The following ATP2B4 variants were observed in gnomAD, a reference collection of about 807,000 sequenced individuals.
ATP2B4 encodes the protein plasma membrane calcium-transporting ATPase 4.
In ATP2B4, 39 loss-of-function variants were observed where a neutral mutation model predicts 110.3. That is an observed-to-expected ratio of 0.35 (90% CI 0.27 to 0.46). ATP2B4 has a LOEUF of 0.46. Ranked by LOEUF, ATP2B4 falls within the 20% of genes least tolerant of loss-of-function variation. The pLI, the probability that ATP2B4 is intolerant of heterozygous loss-of-function variation, is 1.00. For missense variants in ATP2B4, 1,135 were observed against 1,530.9 expected (o/e 0.74, Z 4.32); for synonymous variants, 538 against 571.7 (o/e 0.94, Z 0.84).
chr1:203,669,438 C>T (rs747886996), intron 1 of ATP2B4, among the ~76,000 whole-genome samples: 2 of 151,872 alleles, frequency 1.3e-5, no homozygotes, highest in Non-Finnish European at 2.9e-5. Context: ...GTTGTTTGTT[C>T]GTTTGTCTGT....
At position 203,700,344 on chromosome 1, in the gene ATP2B4, G is replaced by A; in HGVS notation, c.775+13G>A. The A allele has an allele frequency of 1.2e-6, 2 of 1,605,668 alleles. No individual in the cohort carries two copies. Among genetic ancestry groups the A allele is most frequent in the Non-Finnish European group, 1.7e-6 (2 of 1,176,060 alleles). ...ATGTTGCTCTCAGGTATAGGCCCTG[G>A]CTGCCCAAGTTCCCATTTACCTCCC... On this transcript the variant is annotated intron_variant, in intron 5 of 20. Coordinates refer to ENST00000357681, the MANE Select transcript of ATP2B4 (RefSeq NM_001684.5).
rs1015504643 is a variant in ATP2B4, at chr1:203,741,570, A to G, written c.*1716A>G. The G allele has an allele frequency of 2.6e-5, 4 of 152,390 alleles. No homozygotes were observed. The highest frequency in any genetic ancestry group is 3.4e-3 in the Middle Eastern group (1 of 294). 9.4% of individuals were successfully genotyped at this position (152,390 alleles called of 1,614,324 possible). On this transcript the variant is annotated 3_prime_UTR_variant, in exon 21 of 21. Coordinates refer to ENST00000357681, the MANE Select transcript of ATP2B4 (RefSeq NM_001684.5). ...GATGAGAGTCAAGAAGAGGGGATGT[A>G]TGAACGGCCAAATTCCCATGTGAGA...
At chr1:203,731,292 C>A (rs1666701145) in intron 20 of ATP2B4, among the ~76,000 whole-genome samples, 1 of 152,184 alleles carries the variant, frequency 6.6e-6, no homozygotes, top group Admixed American at 6.5e-5. Context: ...TCTCAGGAAG[C>A]TTTATAAAAG....
chr1:203,717,846 G>A (rs1666203946), intron 15 of ATP2B4, among the ~76,000 whole-genome samples: 1 of 151,978 alleles, frequency 6.6e-6, no homozygotes, highest in Non-Finnish European at 1.5e-5. Context: ...GTTTCACCAT[G>A]TTGGCCAGGC....
chr1:203,727,149 T>A (rs1666549175), intron 19 of ATP2B4, among the ~76,000 whole-genome samples: 2 of 152,174 alleles, frequency 1.3e-5, no homozygotes, highest in Admixed American at 1.3e-4. Context: ...GCTGGTCAAT[T>A]ACTAGAATAG....
rs1317715203 is a variant in ATP2B4, at chr1:203,741,695, C to T, written c.*1841C>T. ...AGTAGGAAACATAAAGAAACAATGT[C>T]CCCTACATATCCCCATGACTACATA... On this transcript the variant is annotated 3_prime_UTR_variant, in exon 21 of 21. Coordinates refer to ENST00000357681, the MANE Select transcript of ATP2B4 (RefSeq NM_001684.5). 6.6e-6 allele frequency: 1 copy of T among 152,516 alleles called. No individual in the cohort carries two copies. Among genetic ancestry groups the T allele is most frequent in the Non-Finnish European group, 1.5e-5 (1 of 68,040 alleles). 9.4% of individuals were successfully genotyped at this position (152,516 alleles called of 1,614,324 possible).
chr1:203,644,031 C>T (rs2102308848), intron 1 of ATP2B4, among the ~76,000 whole-genome samples: 1 of 152,138 alleles, frequency 6.6e-6, no homozygotes, highest in South Asian at 2.1e-4. Flanking sequence ...GGGTGGATCA[C>T]CTAACATTAG....
intron 2 of ATP2B4, among the ~76,000 whole-genome samples, chr1:203,695,754 T>C (rs899308642): frequency 1.5e-5 from 2 of 136,886 alleles, no homozygotes; most frequent in Non-Finnish European, 3.1e-5. Context: ...CAGATGAGTA[T>C]CTTATGTATG....
chr1:203,693,154 G>T (rs1281084486), intron 2 of ATP2B4, among the ~76,000 whole-genome samples: 3 of 152,168 alleles, frequency 2.0e-5, no homozygotes, highest in Admixed American at 1.3e-4. Context: ...AGAGATCAGG[G>T]CCTTTTAGAG....
chr1:203,703,668 A>T lies in ATP2B4; in HGVS notation c.954A>T (p.Gly318=). The change falls in exon 8 of 21, where the codon GGA becomes GGT. Residue 318 remains glycine (G), a synonymous_variant. Coordinates refer to ENST00000357681, the MANE Select transcript of ATP2B4 (RefSeq NM_001684.5). ...ACACTCCAGCAAAGACCCAAGACGG[A>T]GTGGCCCTGGAAATCCAGCCACTCA... ...ENRNKAKTQD[G]VALEIQPLNS... is the part of the protein sequence containing the mutation. 1 of 1,614,050 alleles carries T rather than the reference A, an allele frequency of 6.2e-7. No individual in the cohort carries two copies. Among genetic ancestry groups the T allele is most frequent in the Non-Finnish European group, 8.5e-7 (1 of 1,179,970 alleles).
chr1:203,709,687 G>A, intron 11 of ATP2B4, 145 bp downstream of exon 11: 14 of 1,333,670 alleles, frequency 1.0e-5, no homozygotes, highest in Non-Finnish European at 1.4e-5. Flanking sequence ...GTCTACTCAG[G>A]CCACGCATGT....
rs1407579331 is a variant in ATP2B4, at chr1:203,723,457, T to TCTCTCTCTCTCTCCCTCC, written c.3025-421_3025-420insTCTCTCTCTCCCTCCCTC. On this transcript the variant is annotated intron_variant, in intron 18 of 20. Coordinates refer to ENST00000357681, the MANE Select transcript of ATP2B4 (RefSeq NM_001684.5). ...CTCTCTCTCTCTCTCTCTCTCTCTCTCTCCCTCTGCCTCTCTCTCTCTCTC... is the reference window on the plus strand; with the variant it reads ...CTCTCTCTCTCTCTCTCTCTCTCTCTCTCTCTCTCTCTCCCTCCCTCCCTCTGCCTCTCTCTCTCTCTC... Among the ~76,000 whole-genome samples, 52 of 113,558 alleles carry TCTCTCTCTCTCTCCCTCC rather than the reference T, an allele frequency of 4.6e-4. 3 individuals are homozygous for TCTCTCTCTCTCTCCCTCC. The highest frequency in any genetic ancestry group is 1.4e-3 in the East Asian group (5 of 3,516). 74.5% of individuals were successfully genotyped at this position (113,558 alleles called of 152,430 possible).
At chr1:203,648,540 G>A (rs904965951) in intron 1 of ATP2B4, among the ~76,000 whole-genome samples, 1 of 152,168 alleles carries the variant, frequency 6.6e-6, no homozygotes. Context: ...CCAACTGACT[G>A]CTACAAATTC....
chr1:203,659,949 G>C (rs1387505854), intron 1 of ATP2B4, among the ~76,000 whole-genome samples: 1 of 152,080 alleles, frequency 6.6e-6, no homozygotes, highest in African/African-American at 2.4e-5. Context: ...GGGCGTGGTG[G>C]CAGGTGCCTG....
chr1:203,660,132 T>C (rs904170747), intron 1 of ATP2B4, among the ~76,000 whole-genome samples: 1 of 151,080 alleles, frequency 6.6e-6, no homozygotes, highest in South Asian at 2.1e-4. Context: ...TTGTCCAAGG[T>C]CACAGAGCTT....
At chr1:203,701,835 C>A (rs138733394) in intron 6 of ATP2B4, among the ~76,000 whole-genome samples, 1 of 152,136 alleles carries the variant, frequency 6.6e-6, no homozygotes, top group Non-Finnish European at 1.5e-5. Flanking sequence ...CCTACATGAG[C>A]GTTTTGGTGG....
chr1:203,724,243 C>T (rs111838613), intron 19 of ATP2B4, among the ~76,000 whole-genome samples: 6,204 of 152,056 alleles, frequency 0.041, 294 homozygotes, highest in African/African-American at 0.11. Context: ...CTTGGCTGGG[C>T]GCAGTGGCTC....
At chr1:203,648,293 TA>T (rs1291717941) in intron 1 of ATP2B4, among the ~76,000 whole-genome samples, 2 of 150,434 alleles carry the variant, frequency 1.3e-5, no homozygotes, top group Non-Finnish European at 3.0e-5. Flanking sequence ...GTGTTTTTTT[TA>T]AAAAAAAAAT....
chr1:203,709,274 T>C (rs1298963478), intron 10 of ATP2B4, 27 bp from the exon 11 acceptor site: 3 of 1,613,924 alleles, frequency 1.9e-6, no homozygotes, highest in South Asian at 2.2e-5. Context: ...TCTTACTCAA[T>C]AGTGCTGTGT....
Sources: gnomAD v4.1 joint callset for allele counts (sites outside exome capture counted in the v4.1 genomes callset) on GRCh38, gnomAD v4.1.1 for gene constraint, MANE v1.5 for transcripts, NCBI Gene and HGNC (gene_info 2026-07-23, HGNC 2026-07-21) for gene names.